STX6: variants seen among roughly 807,000 people sequenced by gnomAD.
STX6 encodes the protein syntaxin 6.
Under a neutral mutation model 38.0 loss-of-function variants are expected in STX6, and 23 were observed. That is an observed-to-expected ratio of 0.60 (90% confidence interval 0.43 to 0.86). The LOEUF is 0.86. Among genes scored for constraint, STX6 ranks in the 40% least tolerant of loss-of-function variants. STX6 has a pLI of 0.00. For missense variants in STX6, 274 were observed against 312.9 expected (o/e 0.88, Z 0.94); for synonymous variants, 123 against 107.5 (o/e 1.14, Z -0.89).
intron 5 of STX6, 28 bp downstream of exon 5, chr1:180,989,956 C>A: frequency 1.9e-6 from 3 of 1,612,184 alleles, no homozygotes; most frequent in Non-Finnish European, 2.5e-6. Flanking sequence ...CCCACTGGCC[C>A]GTCCTAAGTC....
intron 1 of STX6, among the ~76,000 whole-genome samples, chr1:181,018,339 C>T (rs1167091811): frequency 3.7e-5 from 5 of 134,116 alleles, no homozygotes; most frequent in South Asian, 2.3e-4. Context: ...GCTGAGATCA[C>T]GCCATCGCCA....
intron 1 of STX6, among the ~76,000 whole-genome samples, chr1:181,018,600 C>T (rs1656636679): frequency 6.6e-6 from 1 of 151,650 alleles, no homozygotes. Context: ...AATAATAATA[C>T]CTACTTCATA....
At chr1:180,991,092 C>A (rs1036972095) in intron 4 of STX6, among the ~76,000 whole-genome samples, 1 of 152,220 alleles carries the variant, frequency 6.6e-6, no homozygotes, top group Admixed American at 6.5e-5. Flanking sequence ...TGCCTGGTTA[C>A]TTGGTTCTGT....
In STX6 at chr1:180,984,088, A is replaced by AAAAAAAAAC. The variant is rs57204299; in HGVS notation, c.691+588_691+589insGTTTTTTTT. On this transcript the variant is annotated intron_variant, in intron 7 of 7. Transcript: ENST00000258301. ...CAAAAAAAAAAAAAAAAAAAAAAAA[A>AAAAAAAAAC]AACACAACGAAAGTGACTCTACTGG... is the stretch of plus-strand genomic sequence containing the variant. Among the ~76,000 whole-genome samples the AAAAAAAAAC allele has an allele frequency of 1.7e-3, 175 of 101,446 alleles. 23 individuals carry two copies. The highest frequency in any genetic ancestry group is 2.8e-3 in the Non-Finnish European group (116 of 41,116). The allele number at this position is 101,446 out of a possible 152,430, so 66.6% of individuals were successfully genotyped here. A position where few individuals can be genotyped will look rare whatever the true frequency, so the allele number is the denominator to read the frequency against.
intron 5 of STX6, chr1:180,988,654 G>A: frequency 3.8e-6 from 1 of 262,340 alleles, no homozygotes; most frequent in Non-Finnish European, 7.6e-6. Flanking sequence ...AAGCACACGT[G>A]CAGATGACCA....
rs568340366 is a variant in STX6, at chr1:181,011,112, C to T, written c.36-5649G>A. ...CCTACAGGCCTGACCAGCAACTTGGCTTATTCCATTCTAAAGCTCTTATTT... is the reference window on the plus strand; with the variant it reads ...CCTACAGGCCTGACCAGCAACTTGGTTTATTCCATTCTAAAGCTCTTATTT... On this transcript the variant is annotated intron_variant, in intron 1 of 7. Transcript: ENST00000258301. Among the ~76,000 whole-genome samples, 10 of 152,324 alleles carry T rather than the reference C, an allele frequency of 6.6e-5. No homozygotes were observed. The South Asian group carries it at 1.9e-3, about 28-fold the overall frequency.
At chr1:181,020,699 A>T (rs540425003) in intron 1 of STX6, among the ~76,000 whole-genome samples, 9 of 152,322 alleles carry the variant, frequency 5.9e-5, no homozygotes, top group African/African-American at 2.2e-4. Context: ...CCAAGGAGTT[A>T]CCTTTCTCTG....
chr1:181,014,587 T>C (rs952772130), intron 1 of STX6, among the ~76,000 whole-genome samples: 9 of 152,068 alleles, frequency 5.9e-5, no homozygotes, highest in Non-Finnish European at 1.2e-4. Context: ...AAGTTTCCAT[T>C]CTAGTAATGA....
intron 2 of STX6, among the ~76,000 whole-genome samples, chr1:181,004,391 T>G (rs1558095725): frequency 6.6e-6 from 1 of 152,202 alleles, no homozygotes; most frequent in Non-Finnish European, 1.5e-5. Context: ...ACCATGTGAT[T>G]AGACAGTTGA....
At chr1:181,002,814 AAC>A (rs1331568255) in intron 2 of STX6, 114 bp from the exon 3 acceptor site, 12 of 683,196 alleles carry the variant, frequency 1.8e-5, no homozygotes, top group Non-Finnish European at 3.1e-5. Context: ...ACTTTCTGAA[AAC>A]ACAGTCAGCT....
At chr1:180,995,014 A>G (rs1202460800) in intron 3 of STX6, among the ~76,000 whole-genome samples, 2 of 151,424 alleles carry the variant, frequency 1.3e-5, no homozygotes, top group East Asian at 1.9e-4. Context: ...CCAGGCTGGA[A>G]TGCAGTGACG....
chr1:180,999,195 G>A (rs1656006904), intron 3 of STX6, among the ~76,000 whole-genome samples: 1 of 152,156 alleles, frequency 6.6e-6, no homozygotes, highest in African/African-American at 2.4e-5. Flanking sequence ...TGTTAGTGAG[G>A]ATTATTTCAT....
At chr1:181,017,089 C>CA (rs1656579969) in intron 1 of STX6, among the ~76,000 whole-genome samples, 1 of 129,632 alleles carries the variant, frequency 7.7e-6, no homozygotes, top group African/African-American at 3.0e-5. Context: ...AACAAACAAA[C>CA]AAAAAAACCA....
rs560346495 is a variant in STX6, at chr1:181,022,765, C to G, written c.-92G>C. 9.0e-5 allele frequency: 119 copies of G among 1,326,416 alleles called. No homozygotes were observed. In the African/African-American group the frequency reaches 1.3e-3, roughly 15 times the overall value. 82.2% of individuals were successfully genotyped at this position (1,326,416 alleles called of 1,614,324 possible). On this transcript the variant is annotated 5_prime_UTR_variant, in exon 1 of 8. Transcript: ENST00000258301. ...CCGCCCACCCCGCCTGTTCCCGCAG[C>G]TGCCCGCGCCTTAGTCTGGGTGAAG...
rs1655174546 is a variant in STX6, at chr1:180,973,491, A to G, written c.*3079T>C. On this transcript the variant is annotated 3_prime_UTR_variant, in exon 8 of 8. Transcript: ENST00000258301. Reference sequence around the variant, plus strand: ...GACTAGATTTCTTTTCACAGCCCTTAATCTCACGAGGTGAGAAGGAGTGGA... The same window carrying G: ...GACTAGATTTCTTTTCACAGCCCTTGATCTCACGAGGTGAGAAGGAGTGGA... 6.5e-6 allele frequency: 1 copy of G among 152,684 alleles called. No individual in the cohort carries two copies. The highest frequency in any genetic ancestry group is 2.1e-4 in the South Asian group (1 of 4,832). The allele number at this position is 152,684 out of a possible 1,614,324, so 9.5% of individuals were successfully genotyped here.
At chr1:181,021,495 CTT>C (rs943732429) in intron 1 of STX6, among the ~76,000 whole-genome samples, 7 of 152,164 alleles carry the variant, frequency 4.6e-5, no homozygotes, top group African/African-American at 1.7e-4. Flanking sequence ...TTCTACAACA[CTT>C]GACTATACAA....
intron 7 of STX6, among the ~76,000 whole-genome samples, chr1:180,983,505 A>C (rs1011553745): frequency 2.0e-5 from 3 of 152,226 alleles, no homozygotes; most frequent in Non-Finnish European, 4.4e-5. Flanking sequence ...CATATCTTAT[A>C]CAGTAACTAT....
intron 1 of STX6, among the ~76,000 whole-genome samples, chr1:181,017,153 G>A (rs1056382909): frequency 2.0e-5 from 3 of 151,768 alleles, no homozygotes; most frequent in Middle Eastern, 3.2e-3. Context: ...TTGGGAGGCC[G>A]AGGTGGGAGG....
chr1:181,021,082 G>C (rs368815730), intron 1 of STX6, among the ~76,000 whole-genome samples: 1 of 152,078 alleles, frequency 6.6e-6, no homozygotes, highest in African/African-American at 2.4e-5. Context: ...TAATCAGTGA[G>C]CAAGCATTAG....
Sources: allele counts gnomAD v4.1 joint callset (sites outside exome capture counted in the v4.1 genomes callset), GRCh38; gene constraint gnomAD v4.1.1; transcripts MANE v1.5; gene names NCBI Gene and HGNC (gene_info 2026-07-23, HGNC 2026-07-21).